The following MAP2K5 variants were observed in gnomAD, a reference collection of about 807,000 sequenced individuals.
MAP2K5 encodes dual specificity mitogen-activated protein kinase kinase 5.
In MAP2K5, 49 loss-of-function variants were observed where a neutral mutation model predicts 83.1. The ratio of observed to expected loss-of-function variants is 0.59; its 90% CI spans 0.47 to 0.75. MAP2K5 has a LOEUF of 0.75. MAP2K5 is among the 30% of genes least tolerant of loss of function. The pLI, the probability that MAP2K5 is intolerant of heterozygous loss-of-function variation, is 0.00. For missense variants in MAP2K5, 457 were observed against 557.5 expected (o/e 0.82, Z 1.82); for synonymous variants, 202 against 191.8 (o/e 1.05, Z -0.44).
chr15:67,628,585 C>G, intron 8 of MAP2K5: 3 of 1,252,274 alleles, frequency 2.4e-6, no homozygotes, highest in Non-Finnish European at 3.5e-6. Flanking sequence ...CATGACTGAC[C>G]AAGGCAGTGG....
Position 67,635,506 on chromosome 15 carries a change from A to C in MAP2K5, c.585+4579A>C, listed in dbSNP as rs142764040. 4.6e-3 allele frequency among the ~76,000 whole-genome samples: 699 copies of C among 152,268 alleles called. 5 individuals carry two copies. The highest frequency in any genetic ancestry group is 0.016 in the African/African-American group (674 of 41,562). ...TATTTATCTTTTAAAGACATTTAAAAAGTAAGAAAAATAGTATTCTATTTT... is the reference window on the plus strand; with the variant it reads ...TATTTATCTTTTAAAGACATTTAAACAGTAAGAAAAATAGTATTCTATTTT... On this transcript the variant is annotated intron_variant, in intron 9 of 21. Transcript: ENST00000178640.
intron 12 of MAP2K5, 130 bp from the exon 13 acceptor site, chr15:67,664,467 C>A (rs2087321347): frequency 3.3e-6 from 2 of 597,826 alleles, no homozygotes; most frequent in Admixed American, 5.7e-5. Flanking sequence ...TACCCCACAG[C>A]ACTTCAGCCT....
At chr15:67,799,950 G>C (rs528437841) in intron 21 of MAP2K5, among the ~76,000 whole-genome samples, 2 of 152,258 alleles carry the variant, frequency 1.3e-5, no homozygotes, top group African/African-American at 2.4e-5. Flanking sequence ...GGGGGGCGGT[G>C]GGGGGGATTG....
Position 67,677,196 on chromosome 15 carries a change from T to C in MAP2K5, c.847+12551T>C, listed in dbSNP as rs1446854324. The stretch of plus-strand genomic sequence containing the variant: ...AGCTGGGATAATCCATCCTATTAGT[T>C]CCAATAAGATTTAGCTCATAAATAT... On this transcript the variant is annotated intron_variant, in intron 13 of 21. Transcript: ENST00000178640. The surrounding 1 kb of genome is among the most constrained non-coding windows in gnomAD (Gnocchi z 4.2). Among the ~76,000 whole-genome samples the C allele has an allele frequency of 6.6e-6, 1 of 152,158 alleles. No homozygotes were observed. The highest frequency in any genetic ancestry group is 2.4e-5 in the African/African-American group (1 of 41,428).
At chr15:67,632,270 C>G (rs1425546541) in intron 9 of MAP2K5, among the ~76,000 whole-genome samples, 1 of 151,724 alleles carries the variant, frequency 6.6e-6, no homozygotes, top group Non-Finnish European at 1.5e-5. Flanking sequence ...TGCTAATTTT[C>G]TTTATTTTTT....
chr15:67,635,947 T>G (rs2086593487), intron 9 of MAP2K5, among the ~76,000 whole-genome samples: 3 of 152,182 alleles, frequency 2.0e-5, no homozygotes, highest in Admixed American at 2.0e-4. Flanking sequence ...TTAACATGTT[T>G]AAAACTTCCT....
chr15:67,798,572 G>C (rs1205175270), intron 21 of MAP2K5, among the ~76,000 whole-genome samples: 5 of 152,102 alleles, frequency 3.3e-5, no homozygotes, highest in Non-Finnish European at 7.4e-5. Context: ...TTTTCTCCCA[G>C]TGGTCCATTT....
At chr15:67,767,199 A>G (rs2090056684) in intron 19 of MAP2K5, among the ~76,000 whole-genome samples, 1 of 152,202 alleles carries the variant, frequency 6.6e-6, no homozygotes, top group Non-Finnish European at 1.5e-5. Flanking sequence ...CCCATGCAAG[A>G]TGTCACATTT....
Position 67,636,036 on chromosome 15 carries a change from T to C in MAP2K5, c.585+5109T>C, listed in dbSNP as rs2086595329. 6.6e-6 allele frequency among the ~76,000 whole-genome samples: 1 copy of C among 152,178 alleles called. No individual in the cohort carries two copies. On this transcript the variant is annotated intron_variant, in intron 9 of 21. Coordinates refer to ENST00000178640, the MANE Select transcript of MAP2K5 (RefSeq NM_145160.3). The surrounding 1 kb of genome is among the most constrained non-coding windows in gnomAD (Gnocchi z 4.7). ...CCAGGCTTGTCTTGAATTCATGGGC[T>C]CAAGCAATCCACCCGCCTCCACCTA...
intron 16 of MAP2K5, among the ~76,000 whole-genome samples, chr15:67,704,380 G>C (rs1295906700): frequency 6.6e-6 from 1 of 152,194 alleles, no homozygotes; most frequent in Non-Finnish European, 1.5e-5. Context: ...AGGAGCCACT[G>C]TGCCTGGCCA....
intron 11 of MAP2K5, among the ~76,000 whole-genome samples, chr15:67,648,685 A>C (rs542828653): frequency 4.6e-5 from 7 of 151,014 alleles, no homozygotes; most frequent in African/African-American, 1.2e-4. Context: ...CCTGGGTTCA[A>C]GCGATTCTCC....
chr15:67,600,653 AC>A (rs60932739), intron 7 of MAP2K5, 31 bp from the exon 8 acceptor site: 158,972 of 1,566,300 alleles, frequency 0.1, 9,699 homozygotes, highest in African/African-American at 0.25. Context: ...ACAGCATGAC[AC>A]CCTTTTTGTT....
intron 16 of MAP2K5, among the ~76,000 whole-genome samples, chr15:67,709,055 G>A (rs1387143234): frequency 6.6e-6 from 1 of 152,178 alleles, no homozygotes; most frequent in African/African-American, 2.4e-5. Flanking sequence ...CTGATGTATG[G>A]CAGTTTGACT....
chr15:67,628,081 A>G (rs766924809), intron 8 of MAP2K5: 2 of 748,080 alleles, frequency 2.7e-6, no homozygotes, highest in Non-Finnish European at 4.8e-6. Context: ...AGGCCACGCA[A>G]GGTGGACGGA....
intron 13 of MAP2K5, among the ~76,000 whole-genome samples, chr15:67,685,857 A>G (rs1269697400): frequency 6.6e-6 from 1 of 152,258 alleles, no homozygotes; most frequent in East Asian, 1.9e-4. Context: ...ACACAATGGA[A>G]TTGGAACACA....
intron 17 of MAP2K5, among the ~76,000 whole-genome samples, chr15:67,732,441 A>G (rs929655654): frequency 1.3e-5 from 2 of 152,244 alleles, no homozygotes; most frequent in African/African-American, 4.8e-5. Context: ...GAAAGTGAAG[A>G]TAATACAGAC....
intron 6 of MAP2K5, among the ~76,000 whole-genome samples, chr15:67,589,692 C>T (rs976937080): frequency 4.6e-5 from 7 of 151,912 alleles, no homozygotes; most frequent in South Asian, 2.1e-4. Context: ...TGGTTATTTG[C>T]ATCTTTACAA....
intron 17 of MAP2K5, among the ~76,000 whole-genome samples, chr15:67,737,708 G>A (rs1012187284): frequency 5.9e-5 from 9 of 152,096 alleles, no homozygotes; most frequent in Admixed American, 2.0e-4. Context: ...GAGCCAAGGT[G>A]TCATCTCCAA....
chr15:67,651,617 T>A (rs2086956023), intron 11 of MAP2K5, among the ~76,000 whole-genome samples: 2 of 152,362 alleles, frequency 1.3e-5, no homozygotes, highest in South Asian at 4.1e-4. Context: ...AGTGAGAACA[T>A]ATATGTCTTT....
Sources: allele counts gnomAD v4.1 joint callset (sites outside exome capture counted in the v4.1 genomes callset), GRCh38; gene constraint gnomAD v4.1.1; non-coding constraint Gnocchi (gnomAD v3.1); transcripts MANE v1.5; gene names NCBI Gene and HGNC (gene_info 2026-07-23, HGNC 2026-07-21).